ZNF804B: variants seen among roughly 807,000 people sequenced by gnomAD.
The protein encoded by ZNF804B is zinc finger 804B.
Under a neutral mutation model 101.4 loss-of-function variants are expected in ZNF804B, and 80 were observed. The observed-to-expected ratio is 0.79, with a 90% CI of 0.66 to 0.95. The LOEUF is 0.95. ZNF804B is among the 40% of genes least tolerant of loss of function. The pLI, the probability that ZNF804B is intolerant of heterozygous loss-of-function variation, is 0.00. For synonymous variants in ZNF804B, 622 were observed against 558.8 expected, an observed-to-expected ratio of 1.11 and a Z score of -1.59; for missense variants, 1,673 against 1,561.9, an observed-to-expected ratio of 1.07 and a Z score of -1.20.
intron 1 of ZNF804B, among the ~76,000 whole-genome samples, chr7:88,916,639 T>A (rs1792636160): frequency 6.6e-6 from 1 of 152,202 alleles, no homozygotes; most frequent in Admixed American, 6.5e-5. Flanking sequence ...GCTTATTTAA[T>A]ATATACAAGT....
rs951111553 is a variant in ZNF804B at position 89,182,228 on chromosome 7, G to T, written c.109-35927G>T. 3.3e-5 allele frequency among the ~76,000 whole-genome samples: 5 copies of T among 152,142 alleles called. No homozygotes were observed. The South Asian group carries it at 1.0e-3, about 31-fold the overall frequency. ...ATATAATTTATGCGTCTAAAATTGA[G>T]ATGCCATGTAAAAGACACTTAGAGA... On this transcript the variant is annotated intron_variant, in intron 1 of 3. Transcript: ENST00000333190.
rs1413177728 is a variant in ZNF804B, at chr7:88,867,316, A to G, written c.108+107232A>G. Among the ~76,000 whole-genome samples the G allele has an allele frequency of 3.9e-5, 6 of 152,340 alleles. No homozygotes were observed. The East Asian group carries it at 1.2e-3, about 29-fold the overall frequency. ...GGGAAGCCAGTTGCCTTACTGTCCA[A>G]GGCTGAAAGCCTTAGAAACAGGGAA... is the stretch of plus-strand genomic sequence containing the variant. On this transcript the variant is annotated intron_variant, in intron 1 of 3. Coordinates refer to ENST00000333190, the MANE Select transcript of ZNF804B (RefSeq NM_181646.5).
At chr7:89,230,319 G>GAA (rs1395838944) in intron 2 of ZNF804B, among the ~76,000 whole-genome samples, 1 of 150,354 alleles carries the variant, frequency 6.7e-6, no homozygotes, top group African/African-American at 2.4e-5. Context: ...GAGAGAGAGA[G>GAA]AGAGAGAATG....
intron 2 of ZNF804B, among the ~76,000 whole-genome samples, chr7:89,278,360 T>A (rs1471325740): frequency 2.5e-4 from 38 of 151,542 alleles, no homozygotes; most frequent in Admixed American, 2.5e-3. Context: ...TTTAATTAGA[T>A]CCCATTTGTC....
chr7:89,095,114 T>C (rs6958093), intron 1 of ZNF804B, among the ~76,000 whole-genome samples: 75,926 of 151,992 alleles, frequency 0.5, 19,484 homozygotes, highest in Non-Finnish European at 0.53. Context: ...TAGTAGGAAG[T>C]GTGGCTTTTG....
rs1793290673 is a variant in ZNF804B, at chr7:88,955,442, C to T, written c.108+195358C>T. 3.3e-5 allele frequency among the ~76,000 whole-genome samples: 5 copies of T among 151,628 alleles called. No individual in the cohort carries two copies. The South Asian group carries it at 1.0e-3, about 31-fold the overall frequency. On this transcript the variant is annotated intron_variant, in intron 1 of 3. Coordinates refer to ENST00000333190, the MANE Select transcript of ZNF804B (RefSeq NM_181646.5). Reference sequence around the variant, plus strand: ...TAAGAATTCTATCTAGCTGGAAAAGCAAGCCTTTGTCTTAGGAACCTGGTG... The same window carrying T: ...TAAGAATTCTATCTAGCTGGAAAAGTAAGCCTTTGTCTTAGGAACCTGGTG...
At chr7:89,031,197 A>ATGTG (rs139314633) in intron 1 of ZNF804B, among the ~76,000 whole-genome samples, 35 of 149,602 alleles carry the variant, frequency 2.3e-4, no homozygotes, top group Middle Eastern at 3.6e-3. Flanking sequence ...GTATATATAT[A>ATGTG]TATGTGTGTG....
intron 1 of ZNF804B, among the ~76,000 whole-genome samples, chr7:89,136,502 C>T (rs1270844513): frequency 2.6e-5 from 4 of 152,086 alleles, no homozygotes; most frequent in African/African-American, 9.7e-5. Flanking sequence ...ACTCTGGATT[C>T]ATAATACAAT....
chr7:89,287,253 CA>C (rs1396527468), intron 2 of ZNF804B, among the ~76,000 whole-genome samples: 1 of 152,122 alleles, frequency 6.6e-6, no homozygotes, highest in Admixed American at 6.6e-5. Flanking sequence ...TTATACTCAG[CA>C]TGGGGTTGGT....
intron 1 of ZNF804B, among the ~76,000 whole-genome samples, chr7:89,078,557 T>C (rs763723693): frequency 9.9e-5 from 15 of 151,908 alleles, no homozygotes; most frequent in Non-Finnish European, 1.9e-4. Context: ...TACCTAAATA[T>C]TTTGCAATCA....
At chr7:89,057,301 C>T (rs938118826) in intron 1 of ZNF804B, among the ~76,000 whole-genome samples, 1 of 152,010 alleles carries the variant, frequency 6.6e-6, no homozygotes, top group Non-Finnish European at 1.5e-5. Context: ...GGTCAAAATG[C>T]AGCCGGATTG....
intron 1 of ZNF804B, among the ~76,000 whole-genome samples, chr7:88,828,574 C>T (rs1256679773): frequency 6.6e-6 from 1 of 152,048 alleles, no homozygotes; most frequent in Non-Finnish European, 1.5e-5. Flanking sequence ...GGAAGAGTGC[C>T]TGGCCACATA....
At chr7:89,200,167 G>A (rs756191762) in intron 1 of ZNF804B, among the ~76,000 whole-genome samples, 3 of 151,574 alleles carry the variant, frequency 2.0e-5, no homozygotes, top group South Asian at 2.1e-4. Context: ...GGTTGAGCTT[G>A]GATTAAAAGA....
chr7:88,958,396 C>G (rs572288017), intron 1 of ZNF804B, among the ~76,000 whole-genome samples: 45 of 151,576 alleles, frequency 3.0e-4, no homozygotes, highest in African/African-American at 1.1e-3. Context: ...ACATGTTTTA[C>G]TAAAAGACCA....
At chr7:89,144,503 T>G (rs1210939936) in intron 1 of ZNF804B, among the ~76,000 whole-genome samples, 1 of 151,892 alleles carries the variant, frequency 6.6e-6, no homozygotes, top group Non-Finnish European at 1.5e-5. Context: ...AAAGTGGAAC[T>G]AATAGGAATG....
chr7:89,260,961 T>TG lies in ZNF804B; in HGVS notation c.249+42666_249+42667insG, dbSNP rs554344547. 3.7e-3 allele frequency among the ~76,000 whole-genome samples: 568 copies of TG among 152,272 alleles called. 3 individuals are homozygous for TG. Among genetic ancestry groups the TG allele is most frequent in the African/African-American group, 0.013 (532 of 41,552 alleles). ...TTTATGGCATTTGCACTAAGCACAA[T>TG]AAAAATATGAGAAAACCATGATAGT... On this transcript the variant is annotated intron_variant, in intron 2 of 3. Coordinates refer to ENST00000333190, the MANE Select transcript of ZNF804B (RefSeq NM_181646.5).
chr7:89,101,131 T>G (rs1790049074), intron 1 of ZNF804B, among the ~76,000 whole-genome samples: 1 of 152,068 alleles, frequency 6.6e-6, no homozygotes, highest in Non-Finnish European at 1.5e-5. Context: ...ATGTAGCAGT[T>G]TTAGTGCACA....
chr7:89,132,165 CACAT>C (rs369342365), intron 1 of ZNF804B, among the ~76,000 whole-genome samples: 5,516 of 63,518 alleles, frequency 0.087, 129 homozygotes, highest in African/African-American at 0.14. Flanking sequence ...AACACACGCA[CACAT>C]ACACACACAC....
chr7:89,102,939 A>G (rs1342233189), intron 1 of ZNF804B, among the ~76,000 whole-genome samples: 1 of 149,834 alleles, frequency 6.7e-6, no homozygotes, highest in African/African-American at 2.4e-5. Context: ...ATTGAATAGG[A>G]TGTCCTTTCC....
Sources: allele counts gnomAD v4.1 joint callset (sites outside exome capture counted in the v4.1 genomes callset), GRCh38; gene constraint gnomAD v4.1.1; transcripts MANE v1.5; gene names NCBI Gene and HGNC (gene_info 2026-07-23, HGNC 2026-07-21).